The following CNTNAP5 variants were observed in gnomAD, a reference collection of about 807,000 sequenced individuals.
The protein encoded by CNTNAP5 is contactin-associated protein-like 5.
A neutral mutation model predicts 150.2 loss-of-function variants in CNTNAP5; 72 were observed. The observed-to-expected ratio is 0.48, with a 90% confidence interval of 0.40 to 0.58. The LOEUF (loss-of-function observed/expected upper bound fraction) is 0.58. Among genes scored for constraint, CNTNAP5 ranks in the 20% least tolerant of loss-of-function variants. CNTNAP5 has a pLI of 0.00. For missense variants in CNTNAP5, 1,636 were observed against 1,626.2 expected, an observed-to-expected ratio of 1.01 and a Z score of -0.10; for synonymous variants, 672 against 619.8, an observed-to-expected ratio of 1.08 and a Z score of -1.25.
intron 1 of CNTNAP5, among the ~76,000 whole-genome samples, chr2:124,046,447 A>AAAAAAC (rs386391115): frequency 3.8e-4 from 57 of 151,650 alleles, no homozygotes; most frequent in Non-Finnish European, 6.9e-4. Flanking sequence ...AAAAAAAAAA[A>AAAAAAC]AACAGAGAAT....
intron 3 of CNTNAP5, among the ~76,000 whole-genome samples, chr2:124,310,831 G>A (rs1688810813): frequency 1.3e-5 from 2 of 152,196 alleles, no homozygotes; most frequent in Admixed American, 6.5e-5. Context: ...GGGAGCTTGA[G>A]GCTGGCAGGT....
chr2:124,482,223 G>C (rs1450113370), intron 7 of CNTNAP5, among the ~76,000 whole-genome samples: 1 of 152,290 alleles, frequency 6.6e-6, no homozygotes, highest in East Asian at 1.9e-4. Flanking sequence ...CACAGATCAC[G>C]GTGCTAGCAC....
chr2:124,382,170 T>G (rs1381437101), intron 3 of CNTNAP5, among the ~76,000 whole-genome samples: 1 of 152,092 alleles, frequency 6.6e-6, no homozygotes, highest in Admixed American at 6.6e-5. Context: ...AGATAAGCCA[T>G]CAATGTGGCT....
chr2:124,653,912 C>CG (rs386391124), intron 13 of CNTNAP5, among the ~76,000 whole-genome samples: 12 of 25,808 alleles, frequency 4.6e-4, no homozygotes, highest in Non-Finnish European at 7.3e-4. Context: ...CTGCCCCCAA[C>CG]CCCCCCCCCC....
At position 124,421,919 on chromosome 2, in the gene CNTNAP5, T is replaced by G. The variant is rs192941670; in HGVS notation, c.529+4329T>G. On this transcript the variant is annotated intron_variant, in intron 4 of 23. Coordinates refer to ENST00000682447, the MANE Select transcript of CNTNAP5 (RefSeq NM_001367498.1). ...CCCATGGATATGTGATGTGCTGTCA[T>G]TTACTTTGTGGTGTCGGCCACAACC... is the stretch of plus-strand genomic sequence containing the variant. Among the ~76,000 whole-genome samples the G allele has an allele frequency of 1.2e-4, 19 of 152,310 alleles. 1 individual carries two copies. In the East Asian group the frequency reaches 3.7e-3, roughly 29 times the overall value.
At chr2:124,591,152 C>G (rs1696671210) in intron 11 of CNTNAP5, among the ~76,000 whole-genome samples, 1 of 152,282 alleles carries the variant, frequency 6.6e-6, no homozygotes, top group Non-Finnish European at 1.5e-5. Context: ...ACCAGACCTT[C>G]AAATGCAACA....
intron 10 of CNTNAP5, among the ~76,000 whole-genome samples, chr2:124,530,760 C>T (rs1007045528): frequency 2.0e-5 from 3 of 152,102 alleles, no homozygotes; most frequent in African/African-American, 7.2e-5. Context: ...GCCCTGTTCA[C>T]GGTCCTTCTA....
chr2:124,529,515 G>A (rs376027895), intron 10 of CNTNAP5, among the ~76,000 whole-genome samples: 4 of 152,308 alleles, frequency 2.6e-5, no homozygotes, highest in African/African-American at 9.6e-5. Context: ...TCTAACAGAA[G>A]GGAAAGCTGG....
chr2:124,180,995 C>G (rs982404299), intron 1 of CNTNAP5, among the ~76,000 whole-genome samples: 1 of 151,460 alleles, frequency 6.6e-6, no homozygotes, highest in African/African-American at 2.4e-5. Flanking sequence ...AAGTCCCCTT[C>G]TGTAAGAGAA....
intron 3 of CNTNAP5, among the ~76,000 whole-genome samples, chr2:124,368,391 G>A (rs952190484): frequency 1.3e-5 from 2 of 152,012 alleles, no homozygotes; most frequent in African/African-American, 4.8e-5. Flanking sequence ...TGTGCTGCTC[G>A]GAATAAAAAT....
At chr2:124,720,051 G>T (rs1680019445) in intron 13 of CNTNAP5, among the ~76,000 whole-genome samples, 1 of 152,152 alleles carries the variant, frequency 6.6e-6, no homozygotes, top group African/African-American at 2.4e-5. Flanking sequence ...AGCCAAGCCA[G>T]CCAGTATGAA....
chr2:124,422,007 G>A (rs1692114365), intron 4 of CNTNAP5, among the ~76,000 whole-genome samples: 1 of 152,138 alleles, frequency 6.6e-6, no homozygotes, highest in Non-Finnish European at 1.5e-5. Flanking sequence ...TACCTGCACA[G>A]GAAAAAGTAC....
At chr2:124,785,139 G>A (rs201840862) in intron 17 of CNTNAP5, among the ~76,000 whole-genome samples, 1 of 151,138 alleles carries the variant, frequency 6.6e-6, no homozygotes, top group East Asian at 1.9e-4. Flanking sequence ...TAAAATTACA[G>A]TGAACTGTAT....
At chr2:124,210,006 A>C (rs1292486490) in intron 1 of CNTNAP5, among the ~76,000 whole-genome samples, 1 of 152,214 alleles carries the variant, frequency 6.6e-6, no homozygotes, top group Non-Finnish European at 1.5e-5. Context: ...AAGCGGTGCC[A>C]GAAGATTAAA....
intron 9 of CNTNAP5, among the ~76,000 whole-genome samples, chr2:124,525,069 A>G (rs1478554311): frequency 6.6e-6 from 1 of 152,214 alleles, no homozygotes. Context: ...AACCTTTCCA[A>G]TGACAAAAAC....
At chr2:124,506,725 T>C (rs1439647898) in intron 8 of CNTNAP5, among the ~76,000 whole-genome samples, 1 of 152,202 alleles carries the variant, frequency 6.6e-6, no homozygotes, top group African/African-American at 2.4e-5. Flanking sequence ...GACAGCAATA[T>C]TTAATGGTTG....
At chr2:124,634,646 T>C (rs1340309311) in intron 12 of CNTNAP5, among the ~76,000 whole-genome samples, 1 of 152,118 alleles carries the variant, frequency 6.6e-6, no homozygotes, top group Non-Finnish European at 1.5e-5. Context: ...TAGCTGGGAT[T>C]ACAGGCATGC....
intron 1 of CNTNAP5, among the ~76,000 whole-genome samples, chr2:124,186,549 A>G (rs905617920): frequency 2.6e-5 from 4 of 152,152 alleles, no homozygotes; most frequent in Admixed American, 6.6e-5. Flanking sequence ...CCCTTTTACA[A>G]CAAAGGCCTT....
intron 3 of CNTNAP5, among the ~76,000 whole-genome samples, chr2:124,316,072 A>T (rs917082551): frequency 6.6e-6 from 1 of 152,158 alleles, no homozygotes; most frequent in African/African-American, 2.4e-5. Flanking sequence ...AACCTCAACT[A>T]CTTACCGCCC....
Sources: gnomAD v4.1 joint callset for allele counts (sites outside exome capture counted in the v4.1 genomes callset) on GRCh38, gnomAD v4.1.1 for gene constraint, MANE v1.5 for transcripts, NCBI Gene and HGNC (gene_info 2026-07-23, HGNC 2026-07-21) for gene names.